RGS7: variants seen among roughly 807,000 people sequenced by gnomAD.
RGS7 encodes regulator of G protein signaling 7.
In RGS7, 27 loss-of-function variants were observed where a neutral mutation model predicts 81.1. That is an observed-to-expected ratio of 0.33 (90% CI 0.25 to 0.46). The LOEUF (loss-of-function observed/expected upper bound fraction) is 0.46, where lower values mean the gene tolerates loss of function less well. Among genes scored for constraint, RGS7 ranks in the 20% least tolerant of loss-of-function variants. The probability of loss-of-function intolerance (pLI) is 1.00; values close to 1 mark genes in which losing one functional copy is unlikely to be tolerated. For missense variants in RGS7, 396 were observed against 607.4 expected (o/e 0.65, Z 3.66); for synonymous variants, 208 against 207.7 (o/e 1.00, Z -0.01).
chr1:240,932,268 T>C (rs1675578467), intron 5 of RGS7, among the ~76,000 whole-genome samples: 1 of 152,084 alleles, frequency 6.6e-6, no homozygotes, highest in Non-Finnish European at 1.5e-5. Context: ...CTACTAACAG[T>C]AGTTTTGTGA....
intron 10 of RGS7, among the ~76,000 whole-genome samples, chr1:240,819,255 G>T (rs922889816): frequency 9.9e-5 from 15 of 151,838 alleles, no homozygotes; most frequent in African/African-American, 3.1e-4. Context: ...CATATAAACA[G>T]TGCTTATAAA....
chr1:241,289,458 C>T (rs1321563838), intron 2 of RGS7, among the ~76,000 whole-genome samples: 2 of 152,180 alleles, frequency 1.3e-5, no homozygotes, highest in African/African-American at 4.8e-5. Flanking sequence ...ATAGTGCTCA[C>T]CACATTTTAT....
At chr1:241,304,264 T>G (rs920090729) in intron 2 of RGS7, among the ~76,000 whole-genome samples, 5 of 152,140 alleles carry the variant, frequency 3.3e-5, no homozygotes, top group African/African-American at 1.2e-4. Context: ...ATTGCTGTGG[T>G]AGAAAAGACT....
intron 2 of RGS7, among the ~76,000 whole-genome samples, chr1:241,154,506 A>G (rs950580944): frequency 1.3e-5 from 2 of 152,226 alleles, no homozygotes; most frequent in Non-Finnish European, 2.9e-5. Context: ...GAAATGAAAG[A>G]AAAGGCCAGT....
chr1:240,816,456 CG>C, intron 10 of RGS7, 41 bp from the exon 11 acceptor site: 2 of 1,265,430 alleles, frequency 1.6e-6, no homozygotes. Flanking sequence ...GACAAAATAC[CG>C]TTTACAGTCA....
At chr1:240,828,059 A>C (rs1472194936) in intron 9 of RGS7, among the ~76,000 whole-genome samples, 3 of 152,106 alleles carry the variant, frequency 2.0e-5, no homozygotes, top group Non-Finnish European at 4.4e-5. Flanking sequence ...TCATGGTTAA[A>C]ATGTGAAAGA....
chr1:241,043,875 A>G (rs1273018386), intron 3 of RGS7, among the ~76,000 whole-genome samples: 2 of 151,742 alleles, frequency 1.3e-5, no homozygotes, highest in Non-Finnish European at 2.9e-5. Context: ...AAAGGACTTG[A>G]GCATCCACGG....
chr1:240,999,653 T>A (rs953166702), intron 3 of RGS7, among the ~76,000 whole-genome samples: 3 of 152,158 alleles, frequency 2.0e-5, no homozygotes, highest in Non-Finnish European at 4.4e-5. Flanking sequence ...CAGGCTGGAG[T>A]GCAGTGGTGT....
At chr1:240,820,883 A>C (rs1193067256) in intron 10 of RGS7, among the ~76,000 whole-genome samples, 2 of 152,180 alleles carry the variant, frequency 1.3e-5, no homozygotes, top group Non-Finnish European at 2.9e-5. Context: ...GAAACCACAA[A>C]GTACAAGAAG....
chr1:240,777,710 A>C (rs560174731), intron 18 of RGS7, among the ~76,000 whole-genome samples: 1 of 152,344 alleles, frequency 6.6e-6, no homozygotes, highest in African/African-American at 2.4e-5. Context: ...TGGTTCATCA[A>C]TGGTGCATTC....
At chr1:241,225,365 C>T (rs2075256923) in intron 2 of RGS7, among the ~76,000 whole-genome samples, 1 of 152,164 alleles carries the variant, frequency 6.6e-6, no homozygotes, top group African/African-American at 2.4e-5. Flanking sequence ...TATATCAACT[C>T]TCTTTAGGTA....
At chr1:241,338,999 A>G (rs1323661744) in intron 2 of RGS7, among the ~76,000 whole-genome samples, 3 of 152,104 alleles carry the variant, frequency 2.0e-5, no homozygotes, top group Non-Finnish European at 2.9e-5. Context: ...TCACCTAGGT[A>G]TTAAGCCCAA....
intron 4 of RGS7, among the ~76,000 whole-genome samples, chr1:240,948,841 A>G (rs1374396591): frequency 6.7e-6 from 1 of 149,600 alleles, no homozygotes; most frequent in African/African-American, 2.4e-5. Context: ...TATAACATAC[A>G]TATATATTAT....
At chr1:241,023,154 T>C (rs2059620216) in intron 3 of RGS7, among the ~76,000 whole-genome samples, 1 of 150,422 alleles carries the variant, frequency 6.6e-6, no homozygotes, top group Admixed American at 6.6e-5. Flanking sequence ...TGAGATATAG[T>C]TGTCATAATG....
chr1:241,079,551 A>G (rs1466988437), intron 3 of RGS7, among the ~76,000 whole-genome samples: 1 of 152,172 alleles, frequency 6.6e-6, no homozygotes, highest in African/African-American at 2.4e-5. Context: ...GGACAGGGAC[A>G]GTGAGACAGG....
In RGS7 at chr1:241,017,977, A is replaced by AT. The variant is rs2059349034; in HGVS notation, c.176-34849dup. Among the ~76,000 whole-genome samples, 3 of 149,750 alleles carry AT rather than the reference A, an allele frequency of 2.0e-5. No homozygotes were observed. The East Asian group carries it at 5.9e-4, about 29-fold the overall frequency. On this transcript the variant is annotated intron_variant, in intron 3 of 18. Coordinates refer to ENST00000440928, the MANE Select transcript of RGS7 (RefSeq NM_001364886.1). ...GCTTTGTCTCTCTATTTCTTTCTTT[A>AT]TTTTTTTGAGGTGGAGTCTCACTCT...
intron 2 of RGS7, among the ~76,000 whole-genome samples, chr1:241,124,908 G>T (rs1464932036): frequency 6.6e-6 from 1 of 152,222 alleles, no homozygotes; most frequent in Non-Finnish European, 1.5e-5. Context: ...TAACTGCTGA[G>T]GCCTGAAGAA....
intron 2 of RGS7, among the ~76,000 whole-genome samples, chr1:241,136,197 C>T (rs1207804088): frequency 1.3e-5 from 2 of 152,056 alleles, no homozygotes; most frequent in Non-Finnish European, 2.9e-5. Flanking sequence ...AAGTTTTGTT[C>T]AATTAAAAAA....
At chr1:241,024,588 A>G (rs1157840848) in intron 3 of RGS7, among the ~76,000 whole-genome samples, 1 of 152,206 alleles carries the variant, frequency 6.6e-6, no homozygotes, top group East Asian at 1.9e-4. Context: ...ACTCTTTTAA[A>G]GACAATCAAA....
Sources: gnomAD v4.1 joint callset for allele counts (sites outside exome capture counted in the v4.1 genomes callset) on GRCh38, gnomAD v4.1.1 for gene constraint, MANE v1.5 for transcripts, NCBI Gene and HGNC (gene_info 2026-07-23, HGNC 2026-07-21) for gene names.